The following NUP188 variants were observed in gnomAD, a reference collection of about 807,000 sequenced individuals.
NUP188 encodes the protein nucleoporin NUP188.
Under a neutral mutation model 223.0 loss-of-function variants are expected in NUP188, and 97 were observed. That is an observed-to-expected ratio of 0.43 (90% confidence interval 0.37 to 0.51). NUP188 has a LOEUF of 0.51. NUP188 is among the 20% of genes least tolerant of loss of function. The pLI is 0.00. For missense variants in NUP188, 1,947 were observed against 2,175.6 expected (o/e 0.89, Z 2.09); for synonymous variants, 869 against 828.0 (o/e 1.05, Z -0.85).
At chr9:128,998,019 TA>T in intron 30 of NUP188, 131 bp from the exon 31 acceptor site, 1 of 710,258 alleles carries the variant, frequency 1.4e-6, no homozygotes, top group South Asian at 1.6e-5. Flanking sequence ...ACGCCCGGCC[TA>T]TATAAGCCCT....
intron 5 of NUP188, among the ~76,000 whole-genome samples, chr9:128,957,807 A>G (rs754307891): frequency 1.3e-5 from 2 of 152,180 alleles, no homozygotes; most frequent in Non-Finnish European, 2.9e-5. Flanking sequence ...CTCATTTTAC[A>G]TAAGAGGATT....
rs1842564476 is a variant in NUP188 at position 128,998,177 on chromosome 9, T to C, written c.3378T>C (p.Ser1126=). ...THADIMHLTD[S]VVRRQLFLDV... is the part of the protein sequence containing the mutation. ...CAGATATAATGCACCTGACTGACTC[T>C]GTGGTGCGTCGCCAGCTCTTTCTTG... The change falls in exon 31 of 44, where the codon TCT becomes TCC. Residue 1126 remains serine (S), a synonymous_variant. Coordinates refer to ENST00000372577, the MANE Select transcript of NUP188 (RefSeq NM_015354.3). 6.2e-7 allele frequency: 1 copy of C among 1,614,108 alleles called. No homozygotes were observed. Among genetic ancestry groups the C allele is most frequent in the Non-Finnish European group, 8.5e-7 (1 of 1,179,916 alleles).
chr9:128,990,253 C>T (rs777738524), intron 25 of NUP188, 27 bp downstream of exon 25: 1 of 1,542,892 alleles, frequency 6.5e-7, no homozygotes, highest in South Asian at 1.1e-5. Context: ...TGCACACACA[C>T]TGTTTATATG....
intron 13 of NUP188, 152 bp from the exon 14 acceptor site, chr9:128,980,454 G>A: frequency 1.4e-6 from 1 of 736,382 alleles, no homozygotes. Context: ...CTTTTTCAGT[G>A]GAAATATGAA....
chr9:128,963,018 C>T (rs915391654), intron 8 of NUP188, among the ~76,000 whole-genome samples: 7 of 152,094 alleles, frequency 4.6e-5, no homozygotes, highest in African/African-American at 1.4e-4. Flanking sequence ...CAGTTAATGT[C>T]ATGTTTTTGA....
intron 22 of NUP188, among the ~76,000 whole-genome samples, chr9:128,987,094 T>TGA (rs1842346955): frequency 1.6e-5 from 2 of 123,310 alleles, no homozygotes; most frequent in Non-Finnish European, 3.3e-5. Context: ...AGAGAGTGTG[T>TGA]GTGTGTGTGT....
chr9:128,958,639 C>T (rs1390868225), intron 6 of NUP188, among the ~76,000 whole-genome samples, 163 bp from the exon 7 acceptor site: 1 of 152,046 alleles, frequency 6.6e-6, no homozygotes, highest in African/African-American at 2.4e-5. Context: ...AATGTCTTTT[C>T]CTTTATTTTG....
intron 8 of NUP188, 129 bp downstream of exon 8, chr9:128,959,263 C>A (rs1000617080): frequency 4.7e-6 from 3 of 631,720 alleles, no homozygotes; most frequent in African/African-American, 3.8e-5. Flanking sequence ...TTAAGCAATT[C>A]TCCTACCTCA....
intron 12 of NUP188, among the ~76,000 whole-genome samples, chr9:128,978,262 A>G (rs542173236): frequency 1.1e-4 from 16 of 152,030 alleles, no homozygotes; most frequent in African/African-American, 3.6e-4. Flanking sequence ...ACCTACTTAC[A>G]TACTTATATA....
In NUP188 at chr9:128,983,130, G is replaced by A. The variant is rs150746163; in HGVS notation, c.1796+102G>A. On this transcript the variant is annotated intron_variant, in intron 17 of 43. Transcript: ENST00000372577. ...ACACATACCCACTGGGTTAAAGTTC[G>A]CGCATATTCCTTGGTTTTCCTGTTT... is the stretch of plus-strand genomic sequence containing the variant. 4.0e-4 allele frequency: 598 copies of A among 1,506,752 alleles called. 12 individuals carry two copies. In the East Asian group the frequency reaches 0.013, roughly 32 times the overall value. The allele number at this position is 1,506,752 out of a possible 1,614,324, so 93.3% of individuals were successfully genotyped here. A position where few individuals can be genotyped will look rare whatever the true frequency, so the allele number is the denominator to read the frequency against.
In NUP188 at chr9:129,002,952, G is replaced by A. The variant is rs780750064; in HGVS notation, c.4273G>A (p.Val1425Ile). Reference sequence around the variant, plus strand: ...GCCTGAGGCCCTGGACTTCGTGGGTGTCCACCAGGAGCGGACCTTACAGGT... The same window carrying A: ...GCCTGAGGCCCTGGACTTCGTGGGTATCCACCAGGAGCGGACCTTACAGGT... ...FLPEALDFVG[V>I]HQERTLQCLN... Residue 1425 changes from valine (V) to isoleucine (I), a missense_variant, in exon 37 of 44, where the codon GTC (valine) becomes ATC (isoleucine). Val to Ile is a conservative substitution (Grantham distance 29). Coordinates refer to ENST00000372577, the MANE Select transcript of NUP188 (RefSeq NM_015354.3). 3 of 1,614,204 alleles carry A rather than the reference G, an allele frequency of 1.9e-6. No homozygotes were observed. Among genetic ancestry groups the A allele is most frequent in the Non-Finnish European group, 2.5e-6 (3 of 1,180,030 alleles).
At chr9:128,965,858 T>G (rs1010273812) in intron 8 of NUP188, among the ~76,000 whole-genome samples, 11 of 151,138 alleles carry the variant, frequency 7.3e-5, no homozygotes, top group African/African-American at 2.7e-4. Context: ...AGTGCAATGG[T>G]GTGATCTTGG....
intron 3 of NUP188, among the ~76,000 whole-genome samples, chr9:128,954,856 C>CTT (rs777885777): frequency 6.6e-5 from 9 of 137,280 alleles, no homozygotes; most frequent in Non-Finnish European, 1.3e-4. Context: ...AGGTGCTCTT[C>CTT]TTTTTTTTTT....
intron 2 of NUP188, among the ~76,000 whole-genome samples, chr9:128,952,250 A>C (rs761464919): frequency 9.9e-5 from 15 of 152,000 alleles, no homozygotes; most frequent in Non-Finnish European, 1.8e-4. Flanking sequence ...TACAAAAAAA[A>C]CTGACTGGCA....
At chr9:128,960,817 G>A (rs1841937595) in intron 8 of NUP188, among the ~76,000 whole-genome samples, 1 of 152,106 alleles carries the variant, frequency 6.6e-6, no homozygotes, top group Non-Finnish European at 1.5e-5. Context: ...GGGCACGGTG[G>A]CTCAGGCCTA....
Position 129,001,566 on chromosome 9 carries a change from G to A in NUP188, c.3881G>A (p.Cys1294Tyr). The A allele has an allele frequency of 2.5e-6, 4 of 1,614,038 alleles. No homozygotes were observed. Among genetic ancestry groups the A allele is most frequent in the Non-Finnish European group, 2.5e-6 (3 of 1,180,020 alleles). The change falls in exon 35 of 44, where the codon TGT becomes TAT. Residue 1294 changes from cysteine to tyrosine, a missense_variant. Transcript: ENST00000372577. ...VLGLHLAKEL[C>Y]EVDEDGDSWL... ...GGCCTGCACCTGGCCAAGGAGCTGT[G>A]TGAGGTAGACGAGGATGGTGACTCC...
chr9:128,956,454 C>T lies in NUP188; in HGVS notation c.246+20C>T, dbSNP rs368703722. 1.0e-4 allele frequency: 141 copies of T among 1,361,256 alleles called. No homozygotes were observed. The highest frequency in any genetic ancestry group is 1.3e-4 in the Non-Finnish European group (130 of 979,526). The allele number at this position is 1,361,256 out of a possible 1,614,324, so 84.3% of individuals were successfully genotyped here. A position where few individuals can be genotyped will look rare whatever the true frequency, so the allele number is the denominator to read the frequency against. On this transcript the variant is annotated intron_variant, in intron 4 of 43. Coordinates refer to ENST00000372577, the MANE Select transcript of NUP188 (RefSeq NM_015354.3). Reference sequence around the variant, plus strand: ...TTTTTGGTGAGTAAAAATTAGCACTCGCTCAATTTATTACTTGCAGTGTGG... The same window carrying T: ...TTTTTGGTGAGTAAAAATTAGCACTTGCTCAATTTATTACTTGCAGTGTGG...
intron 8 of NUP188, among the ~76,000 whole-genome samples, chr9:128,959,803 G>A (rs2131144260): frequency 6.6e-6 from 1 of 152,250 alleles, no homozygotes; most frequent in South Asian, 2.1e-4. Context: ...GCCTCCAAGT[G>A]TTGGGGTTAT....
chr9:128,985,201 C>CT (rs1842317018), intron 20 of NUP188, 187 bp downstream of exon 20: 5 of 497,634 alleles, frequency 1.0e-5, no homozygotes, highest in Non-Finnish European at 1.4e-5. Context: ...GTTATGTACT[C>CT]TATTAGGTGC....
Sources: gnomAD v4.1 joint callset for allele counts (sites outside exome capture counted in the v4.1 genomes callset) on GRCh38, gnomAD v4.1.1 for gene constraint, MANE v1.5 for transcripts, NCBI Gene and HGNC (gene_info 2026-07-23, HGNC 2026-07-21) for gene names.